The following ALDH6A1 variants were observed in gnomAD, a reference collection of about 807,000 sequenced individuals.
ALDH6A1 encodes the protein aldehyde dehydrogenase 6 family member A1, also known as methylmalonate-semialdehyde/malonate-semialdehyde dehydrogenase [acylating], mitochondrial.
ALDH6A1 carries 43 observed loss-of-function variants against 62.6 expected under a neutral mutation model. The observed-to-expected ratio is 0.69, with a 90% CI of 0.54 to 0.89. The LOEUF (loss-of-function observed/expected upper bound fraction) is 0.89. Among genes scored for constraint, ALDH6A1 ranks in the 40% least tolerant of loss-of-function variants. The pLI is 0.00. For missense variants in ALDH6A1, 551 were observed against 661.3 expected (o/e 0.83, Z 1.83); for synonymous variants, 194 against 234.2 (o/e 0.83, Z 1.57).
At position 74,072,625 on chromosome 14, in the gene ALDH6A1, A is replaced by T. The variant is rs886050732; in HGVS notation, c.112-14T>A. 6.2e-7 allele frequency: 1 copy of T among 1,605,756 alleles called. No individual in the cohort carries two copies. The highest frequency in any genetic ancestry group is 1.3e-5 in the African/African-American group (1 of 74,556). ...CTTTACAGTTGGCTGAAAAAAACAA[A>T]CAAACAAACAAACAAACAAAAACAT... is the stretch of plus-strand genomic sequence containing the variant. On this transcript the variant is annotated splice_polypyrimidine_tract_variant and intron_variant, in intron 2 of 11. Coordinates refer to ENST00000553458, the MANE Select transcript of ALDH6A1 (RefSeq NM_005589.4).
At chr14:74,076,187 T>C (rs2060610903) in intron 1 of ALDH6A1, among the ~76,000 whole-genome samples, 1 of 152,072 alleles carries the variant, frequency 6.6e-6, no homozygotes, top group African/African-American at 2.4e-5. Context: ...TATGTACAGA[T>C]TGTTTTGTGT....
intron 6 of ALDH6A1, among the ~76,000 whole-genome samples, chr14:74,070,329 G>GCCAA (rs1490936212): frequency 1.2e-4 from 18 of 152,114 alleles, no homozygotes; most frequent in African/African-American, 4.3e-4. Context: ...GACTAGCCTG[G>GCCAA]CCAACATGGT....
chr14:74,075,636 G>A lies in ALDH6A1; in HGVS notation c.49-619C>T, dbSNP rs73303183. 3.2e-3 allele frequency among the ~76,000 whole-genome samples: 469 copies of A among 148,828 alleles called. 1 individual carries two copies. The highest frequency in any genetic ancestry group is 0.011 in the African/African-American group (435 of 38,520). ...TATGCCACTGCACTCCAGCCAGGAA[G>A]AGAGAGGGAGACCTTGTCTCAAAAA... is the stretch of plus-strand genomic sequence containing the variant. On this transcript the variant is annotated intron_variant, in intron 1 of 11. Coordinates refer to ENST00000553458, the MANE Select transcript of ALDH6A1 (RefSeq NM_005589.4).
intron 11 of ALDH6A1, among the ~76,000 whole-genome samples, chr14:74,063,736 G>A (rs1342632236): frequency 6.6e-6 from 1 of 150,882 alleles, no homozygotes; most frequent in Non-Finnish European, 1.5e-5. Context: ...TGTGGTGGTG[G>A]GCATCTGTAA....
chr14:74,059,216 A>G lies in ALDH6A1; in HGVS notation c.*1426T>C. 3.4e-6 allele frequency: 1 copy of G among 297,506 alleles called. No individual in the cohort carries two copies. Among genetic ancestry groups the G allele is most frequent in the Non-Finnish European group, 6.7e-6 (1 of 148,890 alleles). 18.4% of individuals were successfully genotyped at this position (297,506 alleles called of 1,614,324 possible). The stretch of plus-strand genomic sequence containing the variant: ...TTTCTTAGGCCCAGTTAATTGCTCT[A>G]CATGAAGAGTTCTTCATTAAACAAA... On this transcript the variant is annotated 3_prime_UTR_variant, in exon 12 of 12. Transcript: ENST00000553458.
At chr14:74,081,890 G>A (rs1369345567) in intron 1 of ALDH6A1, among the ~76,000 whole-genome samples, 1 of 152,184 alleles carries the variant, frequency 6.6e-6, no homozygotes, top group East Asian at 1.9e-4. Context: ...CACCGACAGT[G>A]CAAGTCGCTA....
At position 74,056,960 on chromosome 14, in the gene ALDH6A1, T is replaced by C; in HGVS notation, c.*3682A>G. ...TTCCAGACTATGTTGTTTCTGACAG[T>C]GGGGAAACAAAGGAATTTGGGTAAG... is the stretch of plus-strand genomic sequence containing the variant. On this transcript the variant is annotated 3_prime_UTR_variant, in exon 12 of 12. Coordinates refer to ENST00000553458, the MANE Select transcript of ALDH6A1 (RefSeq NM_005589.4). 1.2e-6 allele frequency: 2 copies of C among 1,613,524 alleles called. No homozygotes were observed. Among genetic ancestry groups the C allele is most frequent in the Non-Finnish European group, 1.7e-6 (2 of 1,179,700 alleles).
chr14:74,063,035 C>G (rs2060380921), intron 11 of ALDH6A1, among the ~76,000 whole-genome samples: 1 of 152,194 alleles, frequency 6.6e-6, no homozygotes, highest in African/African-American at 2.4e-5. Context: ...CCCTACATGA[C>G]TCAACCCCTG....
intron 1 of ALDH6A1, among the ~76,000 whole-genome samples, chr14:74,079,511 G>A (rs1040731835): frequency 4.7e-5 from 7 of 149,778 alleles, no homozygotes; most frequent in African/African-American, 1.5e-4. Flanking sequence ...TTGGCTCACC[G>A]CAAGCTCCGC....
chr14:74,068,802 T>G (rs954047020), intron 7 of ALDH6A1, 58 bp downstream of exon 7: 2 of 1,597,380 alleles, frequency 1.3e-6, no homozygotes, highest in African/African-American at 2.7e-5. Context: ...GAAGGTCTGT[T>G]CCTAGGTAAT....
At chr14:74,064,612 C>T in intron 11 of ALDH6A1, 1 of 1,454,670 alleles carries the variant, frequency 6.9e-7, no homozygotes, top group Non-Finnish European at 9.6e-7. Context: ...GCTCTTTCCT[C>T]AAAACTTTGT....
chr14:74,076,618 C>A (rs1251205495), intron 1 of ALDH6A1, among the ~76,000 whole-genome samples: 1 of 152,180 alleles, frequency 6.6e-6, no homozygotes, highest in East Asian at 1.9e-4. Context: ...CTCACTGCAA[C>A]CTCCACCTCC....
At chr14:74,075,142 A>G (rs888385901) in intron 1 of ALDH6A1, 125 bp from the exon 2 acceptor site, 1 of 788,878 alleles carries the variant, frequency 1.3e-6, no homozygotes, top group Non-Finnish European at 2.1e-6. Flanking sequence ...AAGGCCATAC[A>G]GTCATTAAAG....
intron 7 of ALDH6A1, 76 bp downstream of exon 7, chr14:74,068,784 T>C: frequency 6.5e-7 from 1 of 1,542,540 alleles, no homozygotes; most frequent in Non-Finnish European, 8.9e-7. Flanking sequence ...ATGAGTGGCC[T>C]CTCTGCTGAA....
Position 74,057,489 on chromosome 14 carries a change from A to T in ALDH6A1, c.*3153T>A. 7.1e-7 allele frequency: 1 copy of T among 1,416,532 alleles called. No homozygotes were observed. The highest frequency in any genetic ancestry group is 9.2e-7 in the Non-Finnish European group (1 of 1,086,196). The allele number at this position is 1,416,532 out of a possible 1,614,324, so 87.7% of individuals were successfully genotyped here. On this transcript the variant is annotated 3_prime_UTR_variant, in exon 12 of 12. Coordinates refer to ENST00000553458, the MANE Select transcript of ALDH6A1 (RefSeq NM_005589.4). The stretch of plus-strand genomic sequence containing the variant: ...TGCCTCTTTTTGTGTAGAAACCTAT[A>T]GGTTGCCTTTTGAAGTAAACAGCCT...
chr14:74,065,535 C>T (rs1385254986), intron 9 of ALDH6A1, 175 bp from the exon 10 acceptor site: 7 of 639,882 alleles, frequency 1.1e-5, no homozygotes, highest in South Asian at 1.9e-5. Flanking sequence ...AAGTGTATTC[C>T]GTCTTCCAAG....
At chr14:74,072,151 C>T in intron 4 of ALDH6A1, 52 bp downstream of exon 4, 5 of 1,613,410 alleles carry the variant, frequency 3.1e-6, no homozygotes, top group Non-Finnish European at 4.2e-6. Context: ...GTGAGAGTGA[C>T]AAACATGCCC....
In ALDH6A1 at chr14:74,060,537, G is replaced by A; in HGVS notation, c.*105C>T. The stretch of plus-strand genomic sequence containing the variant: ...TCCTGAGGAAGATTTTAGTTACAAT[G>A]TATTCCAATCCCATCGATCTGATCT... On this transcript the variant is annotated 3_prime_UTR_variant, in exon 12 of 12. Coordinates refer to ENST00000553458, the MANE Select transcript of ALDH6A1 (RefSeq NM_005589.4). 2 of 874,120 alleles carry A rather than the reference G, an allele frequency of 2.3e-6. No homozygotes were observed. Among genetic ancestry groups the A allele is most frequent in the South Asian group, 1.3e-5 (1 of 74,112 alleles). The allele number at this position is 874,120 out of a possible 1,614,324, so 54.1% of individuals were successfully genotyped here. A position where few individuals can be genotyped will look rare whatever the true frequency, so the allele number is the denominator to read the frequency against.
At chr14:74,066,536 G>C (rs2060468693) in intron 9 of ALDH6A1, among the ~76,000 whole-genome samples, 169 bp downstream of exon 9, 1 of 152,084 alleles carries the variant, frequency 6.6e-6, no homozygotes, top group African/African-American at 2.4e-5. Flanking sequence ...AGTTTGGTTG[G>C]GAGTTAGAAG....
Sources: allele counts gnomAD v4.1 joint callset (sites outside exome capture counted in the v4.1 genomes callset), GRCh38; gene constraint gnomAD v4.1.1; transcripts MANE v1.5; gene names NCBI Gene and HGNC (gene_info 2026-07-23, HGNC 2026-07-21).